The following DCC variants were observed in gnomAD, a reference collection of about 807,000 sequenced individuals.
The protein encoded by DCC is netrin receptor DCC.
DCC carries 58 observed loss-of-function variants against 172.5 expected under a neutral mutation model. That is an observed-to-expected ratio of 0.34 (90% confidence interval 0.27 to 0.42). The LOEUF is 0.42. Among genes scored for constraint, DCC ranks in the 10% least tolerant of loss-of-function variants. The probability of loss-of-function intolerance (pLI) is 1.00; values close to 1 mark genes in which losing one functional copy is unlikely to be tolerated. For synonymous variants in DCC, 709 were observed against 644.5 expected (o/e 1.10, Z -1.52); for missense variants, 1,740 against 1,791.0 (o/e 0.97, Z 0.51).
In DCC at chr18:53,153,608, A is replaced by G. The variant is rs144153596; in HGVS notation, c.1262-3748A>G. On this transcript the variant is annotated intron_variant, in intron 7 of 28. Transcript: ENST00000442544. Reference sequence around the variant, plus strand: ...TCAAGTTGAACCCCACTTTTCAATAAGACGATTTATTATTTTAAAGATTTA... The same window carrying G: ...TCAAGTTGAACCCCACTTTTCAATAGGACGATTTATTATTTTAAAGATTTA... Among the ~76,000 whole-genome samples the G allele has an allele frequency of 1.8e-4, 27 of 152,328 alleles. No homozygotes were observed. The East Asian group carries it at 5.2e-3, about 29-fold the overall frequency.
intron 7 of DCC, among the ~76,000 whole-genome samples, chr18:53,085,010 G>A (rs2042858279): frequency 6.6e-6 from 1 of 152,060 alleles, no homozygotes; most frequent in Admixed American, 6.6e-5. Flanking sequence ...ATGAAAATAG[G>A]GGATCCCATA....
intron 5 of DCC, among the ~76,000 whole-genome samples, chr18:53,029,942 G>C (rs1359678276): frequency 6.6e-6 from 1 of 152,164 alleles, no homozygotes; most frequent in Non-Finnish European, 1.5e-5. Context: ...CTGGGCTCTA[G>C]AATCTAGCCT....
chr18:53,003,210 G>A (rs1178813582), intron 5 of DCC, among the ~76,000 whole-genome samples: 1 of 119,654 alleles, frequency 8.4e-6, no homozygotes, highest in Admixed American at 8.7e-5. Context: ...TCAATGGTCA[G>A]ACCCTGAATG....
chr18:52,819,483 G>C (rs188983590), intron 2 of DCC, among the ~76,000 whole-genome samples: 8 of 152,200 alleles, frequency 5.3e-5, no homozygotes, highest in African/African-American at 1.4e-4. Flanking sequence ...TTTATTTCAT[G>C]ATGTCTGCAA....
chr18:52,709,013 A>T (rs1451268918), intron 1 of DCC, among the ~76,000 whole-genome samples: 2 of 152,146 alleles, frequency 1.3e-5, no homozygotes, highest in Admixed American at 1.3e-4. Context: ...TTTAGGGTTC[A>T]GTTTATTTCT....
intron 22 of DCC, among the ~76,000 whole-genome samples, chr18:53,436,506 T>A (rs1449153854): frequency 1.3e-5 from 2 of 152,330 alleles, no homozygotes; most frequent in Non-Finnish European, 2.9e-5. Flanking sequence ...AGTGATTATT[T>A]CTTATCATAG....
intron 5 of DCC, among the ~76,000 whole-genome samples, chr18:52,955,747 G>A (rs570405413): frequency 1.3e-5 from 2 of 152,066 alleles, no homozygotes; most frequent in East Asian, 1.9e-4. Context: ...TATTCCAATA[G>A]GTTTGTAATG....
intron 18 of DCC, among the ~76,000 whole-genome samples, chr18:53,399,994 GT>G (rs1166804779): frequency 6.6e-6 from 1 of 152,024 alleles, no homozygotes; most frequent in Non-Finnish European, 1.5e-5. Context: ...TTTTAATAAT[GT>G]TAATTTATAA....
chr18:52,418,858 C>CTTTTTTTTTTTTTTTTTTTTT (rs11313758), intron 1 of DCC, among the ~76,000 whole-genome samples: 3 of 93,018 alleles, frequency 3.2e-5, no homozygotes, highest in African/African-American at 4.6e-5. Context: ...TTCTTTCTTT[C>CTTTTTTTTTTTTTTTTTTTTT]TTTTTTTTTT....
Position 52,587,448 on chromosome 18 carries a change from T to C in DCC, c.92-164606T>C, listed in dbSNP as rs536984798. On this transcript the variant is annotated intron_variant, in intron 1 of 28. Transcript: ENST00000442544. ...GCTAAGGTTGCCCGTTGGTGAGCACTCATGTGGGATACAAATATCTTCATG... is the reference window on the plus strand; with the variant it reads ...GCTAAGGTTGCCCGTTGGTGAGCACCCATGTGGGATACAAATATCTTCATG... 2.6e-5 allele frequency among the ~76,000 whole-genome samples: 4 copies of C among 152,346 alleles called. No homozygotes were observed. The East Asian group carries it at 5.8e-4, about 22-fold the overall frequency.
intron 1 of DCC, among the ~76,000 whole-genome samples, chr18:52,548,808 A>G (rs1228503602): frequency 6.6e-6 from 1 of 152,140 alleles, no homozygotes; most frequent in East Asian, 1.9e-4. Flanking sequence ...ACAAAATGTA[A>G]GTGATTTGAT....
At chr18:52,707,534 A>G (rs2036229661) in intron 1 of DCC, among the ~76,000 whole-genome samples, 1 of 152,228 alleles carries the variant, frequency 6.6e-6, no homozygotes, top group African/African-American at 2.4e-5. Context: ...AAAGAAATGA[A>G]GTCAATATGT....
At chr18:52,958,264 G>A (rs369019183) in intron 5 of DCC, among the ~76,000 whole-genome samples, 1 of 149,710 alleles carries the variant, frequency 6.7e-6, no homozygotes, top group Admixed American at 6.7e-5. Context: ...ATTTTTTTGT[G>A]GTAACAATCT....
chr18:52,386,174 A>AG (rs1169561564), intron 1 of DCC, among the ~76,000 whole-genome samples: 1 of 152,056 alleles, frequency 6.6e-6, no homozygotes, highest in East Asian at 1.9e-4. Context: ...TAACTTTTCC[A>AG]GGGGGCAAAA....
chr18:53,429,976 A>G (rs975683729), intron 21 of DCC, among the ~76,000 whole-genome samples: 5 of 152,114 alleles, frequency 3.3e-5, no homozygotes, highest in Non-Finnish European at 7.4e-5. Flanking sequence ...TTTGTTTAAA[A>G]TCAGCATTGT....
chr18:52,620,793 A>G (rs2034464424), intron 1 of DCC, among the ~76,000 whole-genome samples: 1 of 152,224 alleles, frequency 6.6e-6, no homozygotes, highest in Non-Finnish European at 1.5e-5. Flanking sequence ...TGAATAAGCC[A>G]TCATTTCCAG....
At chr18:53,332,880 C>T (rs946859805) in intron 14 of DCC, among the ~76,000 whole-genome samples, 2 of 152,128 alleles carry the variant, frequency 1.3e-5, no homozygotes, top group Admixed American at 6.5e-5. Flanking sequence ...GCCTGGGCAA[C>T]ACAGGGAGAC....
intron 2 of DCC, among the ~76,000 whole-genome samples, chr18:52,775,432 C>T (rs1342698416): frequency 3.3e-5 from 5 of 152,194 alleles, no homozygotes; most frequent in African/African-American, 1.2e-4. Flanking sequence ...TTCTGTATCC[C>T]GGGTTCTTGC....
chr18:52,503,829 C>T (rs147883135), intron 1 of DCC, among the ~76,000 whole-genome samples: 214 of 152,220 alleles, frequency 1.4e-3, no homozygotes, highest in African/African-American at 4.8e-3. Flanking sequence ...GCTTCCTGAG[C>T]CCTGATGGGG....
Sources: gnomAD v4.1 joint callset for allele counts (sites outside exome capture counted in the v4.1 genomes callset) on GRCh38, gnomAD v4.1.1 for gene constraint, MANE v1.5 for transcripts, NCBI Gene and HGNC (gene_info 2026-07-23, HGNC 2026-07-21) for gene names.